WDR74: variants seen among roughly 807,000 people sequenced by gnomAD.
WDR74 encodes WD repeat-containing protein 74.
Under a neutral mutation model 45.6 loss-of-function variants are expected in WDR74, and 31 were observed. The observed-to-expected ratio is 0.68, with a 90% CI of 0.51 to 0.92. The LOEUF (loss-of-function observed/expected upper bound fraction) is 0.92, where lower values mean the gene tolerates loss of function less well. WDR74 is among the 40% of genes least tolerant of loss of function. WDR74 has a pLI of 0.00. For synonymous variants in WDR74, 191 were observed against 192.4 expected (o/e 0.99, Z 0.06); for missense variants, 455 against 497.2 (o/e 0.92, Z 0.81).
At chr11:62,841,402 G>A (rs566873246), upstream of WDR74, among the ~76,000 whole-genome samples, 8 of 151,554 alleles carry the variant, frequency 5.3e-5, no homozygotes, top group South Asian at 2.1e-4. Context: ...CCCAGAGGCT[G>A]AAGTATGAAG....
upstream of WDR74, chr11:62,839,678 G>C: frequency 7.4e-7 from 1 of 1,343,500 alleles, no homozygotes; most frequent in South Asian, 1.4e-5. Flanking sequence ...TTGAAGAGCC[G>C]AAACAGTAAA....
intron 3 of WDR74, 121 bp downstream of exon 3, chr11:62,838,993 T>C: frequency 1.4e-6 from 2 of 1,407,968 alleles, no homozygotes; most frequent in Non-Finnish European, 1.9e-6. Flanking sequence ...GAAACCCAGG[T>C]CCCTGTCACC....
At chr11:62,839,473 C>T (rs2085013884) in intron 1 of WDR74, 34 bp downstream of exon 1, 6 of 1,613,498 alleles carry the variant, frequency 3.7e-6, no homozygotes, top group Admixed American at 1.7e-5. Context: ...CGAGTGCACC[C>T]CTGCACTTCC....
In WDR74 at chr11:62,836,010, C is replaced by A. The variant is rs1039388632; in HGVS notation, c.320G>T (p.Gly107Val). The change falls in exon 4 of 11, where the codon GGG becomes GTG. Residue 107 changes from glycine (G) to valine (V), a missense_variant. Physicochemically the swap from Gly to Val is moderately radical, Grantham distance 109. Coordinates refer to ENST00000278856, the MANE Select transcript of WDR74 (RefSeq NM_001369450.1). Reference sequence around the variant, plus strand: ...CTTGTCATGCCAGACTCTGAGAATCCCAGAATCCACACATGTGATGAGGGT... The same window carrying A: ...CTTGTCATGCCAGACTCTGAGAATCACAGAATCCACACATGTGATGAGGGT... ...DGTLITCVDS[G>V]ILRVWHDKDK... 10 of 1,595,706 alleles carry A rather than the reference C, an allele frequency of 6.3e-6. No homozygotes were observed. In the African/African-American group the frequency reaches 1.3e-4, roughly 21 times the overall value.
chr11:62,834,498 C>CTG lies in WDR74; in HGVS notation c.646_647dup (p.Gln216HisfsTer7), dbSNP rs1555009867. On this transcript the variant is annotated frameshift_variant, in exon 7 of 11. Coordinates refer to ENST00000278856, the MANE Select transcript of WDR74 (RefSeq NM_001369450.1). LOFTEE classifies it high-confidence loss of function. ...AGGTGGTCTCTAGGACTGGCCGGCG[C>CTG]TGGGGGGATGCTGGATCATAAACAC... The CTG allele has an allele frequency of 8.7e-6, 14 of 1,610,620 alleles. No individual in the cohort carries two copies. The highest frequency in any genetic ancestry group is 1.2e-5 in the Non-Finnish European group (14 of 1,179,378).
At chr11:62,835,634 C>T (rs779418082) in intron 5 of WDR74, 61 bp downstream of exon 5, 33 of 1,613,514 alleles carry the variant, frequency 2.0e-5, no homozygotes, top group Admixed American at 5.0e-5. Flanking sequence ...TCTAATGCAT[C>T]GTCAGTGGCC....
intron 10 of WDR74, 103 bp from the exon 11 acceptor site, chr11:62,833,234 G>A: frequency 6.0e-6 from 7 of 1,162,364 alleles, no homozygotes; most frequent in Non-Finnish European, 8.3e-6. Flanking sequence ...GATTGCTTGA[G>A]CCCAGGACTT....
At chr11:62,841,482 A>G (rs184684588), upstream of WDR74, 10 of 152,332 alleles carry the variant, frequency 6.6e-5, no homozygotes, top group East Asian at 1.9e-3. Context: ...TCTCAACAAG[A>G]CACTCAAACA....
In WDR74 at chr11:62,834,544, G is replaced by A. The variant is rs760555968; in HGVS notation, c.619-17C>T. The A allele has an allele frequency of 4.4e-6, 7 of 1,598,990 alleles. No homozygotes were observed. The highest frequency in any genetic ancestry group is 5.9e-6 in the Non-Finnish European group (7 of 1,176,786). On this transcript the variant is annotated splice_polypyrimidine_tract_variant and intron_variant, in intron 6 of 10. Coordinates refer to ENST00000278856, the MANE Select transcript of WDR74 (RefSeq NM_001369450.1). ...AACACGGACCTAGAGGAAGGCTGAA[G>A]CATCACAAAAGTATCCTCACCCTGC...
At position 62,839,202 on chromosome 11, in the gene WDR74, G is replaced by T. The variant is rs1299972771; in HGVS notation, c.205C>A (p.His69Asn). Residue 69 changes from histidine to asparagine, a missense_variant, in exon 3 of 11, where the codon CAC (histidine) becomes AAC (asparagine). Coordinates refer to ENST00000278856, the MANE Select transcript of WDR74 (RefSeq NM_001369450.1). The part of the protein sequence containing the change: ...LVGCADRTVK[H>N]FSTEDGIFQG... ...AATATGCCATCCTCGGTGCTGAAGT[G>T]CTTCACCGTCCTGTCCGCGCAGCCC... 1.2e-6 allele frequency: 2 copies of T among 1,613,690 alleles called. No homozygotes were observed. Among genetic ancestry groups the T allele is most frequent in the Admixed American group, 1.7e-5 (1 of 60,024 alleles).
intron 10 of WDR74, among the ~76,000 whole-genome samples, 165 bp from the exon 11 acceptor site, chr11:62,833,296 T>TAAAA (rs1048706100): frequency 1.4e-4 from 7 of 50,856 alleles, no homozygotes; most frequent in South Asian, 5.3e-4. Flanking sequence ...AAAAGAAGTT[T>TAAAA]AAAAAAAAAA....
chr11:62,833,162 G>A, intron 10 of WDR74, 31 bp from the exon 11 acceptor site: 1 of 1,605,328 alleles, frequency 6.2e-7, no homozygotes, highest in East Asian at 2.2e-5. Context: ...TTAGGAGTCA[G>A]GGGGGCCGGG....
At position 62,835,537 on chromosome 11, in the gene WDR74, T is replaced by C; in HGVS notation, c.517-5A>G. 3 of 1,613,834 alleles carry C rather than the reference T, an allele frequency of 1.9e-6. No homozygotes were observed. Among genetic ancestry groups the C allele is most frequent in the Non-Finnish European group, 1.7e-6 (2 of 1,179,806 alleles). ...GTCCAGCCAGTCATTCCGCACCTGGTGGGGTGGGCAGATGGAGGACAGGGC... is the reference window on the plus strand; with the variant it reads ...GTCCAGCCAGTCATTCCGCACCTGGCGGGGTGGGCAGATGGAGGACAGGGC... On this transcript the variant is annotated splice_region_variant and splice_polypyrimidine_tract_variant and intron_variant, in intron 5 of 10. Transcript: ENST00000278856.
At chr11:62,834,144 G>C in intron 8 of WDR74, 132 bp downstream of exon 8, 1 of 1,489,490 alleles carries the variant, frequency 6.7e-7, no homozygotes, top group Admixed American at 1.7e-5. Flanking sequence ...AGCTTTTAGG[G>C]AAACCAGGAT....
upstream of WDR74, chr11:62,841,606 T>TCTCTC (rs1565225786): frequency 2.0e-5 from 3 of 152,116 alleles, no homozygotes; most frequent in Non-Finnish European, 4.4e-5. Context: ...CAACGGTTGT[T>TCTCTC]CTCTCCCCGA....
In WDR74 at chr11:62,839,234, A is replaced by G; in HGVS notation, c.173T>C (p.Met58Thr). 2.5e-6 allele frequency: 4 copies of G among 1,613,560 alleles called. No individual in the cohort carries two copies. Among genetic ancestry groups the G allele is most frequent in the Non-Finnish European group, 3.4e-6 (4 of 1,179,878 alleles). Residue 58 changes from methionine to threonine, a missense_variant and splice_region_variant, in exon 3 of 11, where the codon ATG becomes ACG. Physicochemically the swap from Met to Thr is moderately conservative, Grantham distance 81. Transcript: ENST00000278856. ...CGTCCTGTCCGCGCAGCCCACCAGC[A>G]TCTGCGGCAAAGAAGGGCAAGATGG... Reference protein sequence around the residue: ...LCWGTGGETQMLVGCADRTVK... With the variant: ...LCWGTGGETQTLVGCADRTVK...
At chr11:62,841,595 A>T (rs142048182), upstream of WDR74, 14 of 152,194 alleles carry the variant, frequency 9.2e-5, no homozygotes, top group African/African-American at 1.4e-4. Flanking sequence ...CTTCCATTAA[A>T]CAACGGTTGT....
At chr11:62,835,235 C>G (rs892077863) in intron 6 of WDR74, 196 bp downstream of exon 6, 11 of 584,134 alleles carry the variant, frequency 1.9e-5, no homozygotes, top group African/African-American at 3.7e-5. Flanking sequence ...GGAAAACAGG[C>G]ATAGTTCAGG....
chr11:62,836,538 G>T, intron 3 of WDR74: 1 of 163,294 alleles, frequency 6.1e-6, no homozygotes, highest in South Asian at 1.5e-4. Context: ...CTGAGTTTCA[G>T]GCACTAAATG....
Sources: allele counts gnomAD v4.1 joint callset (sites outside exome capture counted in the v4.1 genomes callset), GRCh38; gene constraint gnomAD v4.1.1; transcripts MANE v1.5; gene names NCBI Gene and HGNC (gene_info 2026-07-23, HGNC 2026-07-21).